Variants in BMP7 observed in about 807,000 individuals in gnomAD.
BMP7 encodes osteogenic protein 1.
In BMP7, 12 loss-of-function variants were observed where a neutral mutation model predicts 41.2. That is an observed-to-expected ratio of 0.29 (90% CI 0.19 to 0.47). The LOEUF is 0.47. BMP7 is among the 20% of genes least tolerant of loss of function. The pLI is 0.99. For synonymous variants in BMP7, 248 were observed against 250.0 expected (o/e 0.99, Z 0.07); for missense variants, 467 against 606.0 (o/e 0.77, Z 2.41).
rs1260196203 is a variant in BMP7, at chr20:57,215,760, G to T, written c.611+12469C>A. 1 of 152,214 alleles carries T rather than the reference G, an allele frequency of 6.6e-6. No homozygotes were observed. The highest frequency in any genetic ancestry group is 1.9e-4 in the East Asian group (1 of 5,192). 9.4% of individuals were successfully genotyped at this position (152,214 alleles called of 1,614,324 possible). On this transcript the variant is annotated intron_variant, in intron 2 of 6. Transcript: ENST00000395863. This position sits in a 1 kb window ranked among gnomAD's most constrained non-coding sequence, Gnocchi z 4.2. ...AGACTCATCTTTCTAGACTTCTCCT[G>T]GGGACCGCATTTCCTCCAGCCTCCA...
intron 1 of BMP7, among the ~76,000 whole-genome samples, chr20:57,239,491 G>A (rs2066061120): frequency 6.6e-6 from 1 of 152,138 alleles, no homozygotes; most frequent in Admixed American, 6.5e-5. Flanking sequence ...CCAGGCACAC[G>A]GTTCAAGCTG....
chr20:57,213,527 G>A lies in BMP7; in HGVS notation c.612-10904C>T, dbSNP rs762993165. Among the ~76,000 whole-genome samples, 40 of 152,164 alleles carry A rather than the reference G, an allele frequency of 2.6e-4. No homozygotes were observed. The highest frequency in any genetic ancestry group is 5.0e-4 in the Non-Finnish European group (34 of 68,038). ...CCTGCTGCAAAGAAATGTCTGCTCC[G>A]GCAATGGAGCGCAGTAACGAGCCGT... is the stretch of plus-strand genomic sequence containing the variant. On this transcript the variant is annotated intron_variant, in intron 2 of 6. Coordinates refer to ENST00000395863, the MANE Select transcript of BMP7 (RefSeq NM_001719.3). The surrounding 1 kb of genome is among the most constrained non-coding windows in gnomAD (Gnocchi z 4.4).
intron 4 of BMP7, among the ~76,000 whole-genome samples, chr20:57,176,750 T>TCTCA (rs1491171120): frequency 7.4e-6 from 1 of 135,406 alleles, no homozygotes; most frequent in Admixed American, 7.5e-5. Flanking sequence ...CATTCTCCAT[T>TCTCA]CACACACACA....
At chr20:57,197,180 A>G (rs1020064695) in intron 3 of BMP7, among the ~76,000 whole-genome samples, 21 of 151,542 alleles carry the variant, frequency 1.4e-4, no homozygotes, top group Middle Eastern at 3.5e-3. Context: ...GATTATAGGC[A>G]TGAGCCACCG....
intron 1 of BMP7, among the ~76,000 whole-genome samples, chr20:57,234,180 C>T (rs2066039328): frequency 6.6e-6 from 1 of 152,236 alleles, no homozygotes. Context: ...CATCTTGTTC[C>T]ATGACCCTCT....
At chr20:57,244,372 G>A (rs905488343) in intron 1 of BMP7, among the ~76,000 whole-genome samples, 6 of 152,152 alleles carry the variant, frequency 3.9e-5, no homozygotes, top group South Asian at 2.1e-4. Context: ...CACCTCCCAC[G>A]CTCACTTGCT....
At chr20:57,251,086 C>T (rs759118857) in intron 1 of BMP7, among the ~76,000 whole-genome samples, 6 of 152,340 alleles carry the variant, frequency 3.9e-5, no homozygotes, top group South Asian at 2.1e-4. Flanking sequence ...AGGCAGGTCC[C>T]GTGCACGGTG....
intron 1 of BMP7, among the ~76,000 whole-genome samples, chr20:57,239,656 C>A (rs192452968): frequency 1.2e-4 from 19 of 152,374 alleles, no homozygotes; most frequent in South Asian, 1.0e-3. Flanking sequence ...CCCACTCCTG[C>A]AGCAAACTTT....
intron 1 of BMP7, among the ~76,000 whole-genome samples, chr20:57,248,763 G>A (rs1173982475): frequency 6.6e-6 from 1 of 151,682 alleles, no homozygotes; most frequent in Non-Finnish European, 1.5e-5. Flanking sequence ...TCTGTGAACT[G>A]CAGCTGAATG....
At chr20:57,193,563 T>A (rs1984425673) in intron 3 of BMP7, among the ~76,000 whole-genome samples, 1 of 152,236 alleles carries the variant, frequency 6.6e-6, no homozygotes, top group African/African-American at 2.4e-5. Context: ...CCTGCACTCT[T>A]TTGCATTGGC....
At chr20:57,207,899 G>A (rs945011769) in intron 2 of BMP7, among the ~76,000 whole-genome samples, 9 of 135,150 alleles carry the variant, frequency 6.7e-5, no homozygotes, top group African/African-American at 1.1e-4. Context: ...GCGCAATCTC[G>A]GCTCACTGCA....
chr20:57,222,160 AC>A (rs923444066), intron 2 of BMP7, among the ~76,000 whole-genome samples: 1 of 152,118 alleles, frequency 6.6e-6, no homozygotes, highest in African/African-American at 2.4e-5. Flanking sequence ...AATGTGGGCA[AC>A]CTGCTGAGCC....
chr20:57,266,531 C>T lies in BMP7; in HGVS notation c.-409G>A. On this transcript the variant is annotated 5_prime_UTR_variant, in exon 1 of 7. Transcript: ENST00000395863. ...CTCTGGCGCTCTCGCCCTCGGGCGG[C>T]GGCAACCCACCCTCTTCCAACCTCC... is the stretch of plus-strand genomic sequence containing the variant. 6.4e-6 allele frequency: 1 copy of T among 155,622 alleles called. No individual in the cohort carries two copies. The highest frequency in any genetic ancestry group is 1.4e-5 in the Non-Finnish European group (1 of 70,336). 9.6% of individuals were successfully genotyped at this position (155,622 alleles called of 1,614,324 possible). A position where few individuals can be genotyped will look rare whatever the true frequency, so the allele number is the denominator to read the frequency against.
intron 2 of BMP7, among the ~76,000 whole-genome samples, chr20:57,218,140 T>C (rs1344106107): frequency 6.6e-6 from 1 of 152,288 alleles, no homozygotes; most frequent in East Asian, 1.9e-4. Context: ...TTTCATGCTC[T>C]GCTGTTGCTG....
At chr20:57,177,876 G>C (rs1460498523) in intron 4 of BMP7, 3 of 152,226 alleles carry the variant, frequency 2.0e-5, no homozygotes, top group Non-Finnish European at 4.4e-5. Context: ...GCCTTGTGGA[G>C]TCACTCATTC....
chr20:57,213,474 C>G lies in BMP7; in HGVS notation c.612-10851G>C, dbSNP rs970793948. On this transcript the variant is annotated intron_variant, in intron 2 of 6. Transcript: ENST00000395863. The surrounding 1 kb of genome is among the most constrained non-coding windows in gnomAD (Gnocchi z 4.4). ...TGCTCCTTAGAGATGTCATAATGCA[C>G]CTTAGCTCTTTAAAGGCTCTGAAAA... 1.5e-4 allele frequency among the ~76,000 whole-genome samples: 23 copies of G among 152,192 alleles called. No individual in the cohort carries two copies. The highest frequency in any genetic ancestry group is 5.3e-4 in the African/African-American group (22 of 41,448).
chr20:57,216,570 TGAGGGGCTGTCTCTTGAGGGC>T (rs1568718216), intron 2 of BMP7, among the ~76,000 whole-genome samples: 20 of 115,310 alleles, frequency 1.7e-4, no homozygotes, highest in African/African-American at 1.0e-3. Context: ...CTCCTGAGGG[TGAGGGGCTGTCTCTTGAGGGC>T]GAGGGGCTGT....
At chr20:57,201,546 A>G (rs996855701) in intron 3 of BMP7, among the ~76,000 whole-genome samples, 4 of 152,258 alleles carry the variant, frequency 2.6e-5, no homozygotes, top group Admixed American at 2.0e-4. Context: ...GGGAAGTGGA[A>G]CTCAGCAGCT....
intron 1 of BMP7, among the ~76,000 whole-genome samples, chr20:57,242,478 T>C (rs940862494): frequency 2.6e-5 from 4 of 152,172 alleles, no homozygotes; most frequent in African/African-American, 9.7e-5. Context: ...AGGACTGAAT[T>C]TCTCTGAAGT....
Sources: gnomAD v4.1 joint callset for allele counts (sites outside exome capture counted in the v4.1 genomes callset) on GRCh38, gnomAD v4.1.1 for gene constraint, Gnocchi (gnomAD v3.1) non-coding constraint, MANE v1.5 for transcripts, NCBI Gene and HGNC (gene_info 2026-07-23, HGNC 2026-07-21) for gene names.